Variants in CSMD1 observed in about 807,000 individuals in gnomAD.
The protein encoded by CSMD1 is CUB and Sushi multiple domains 1, also known as CUB and sushi domain-containing protein 1.
In CSMD1, 213 loss-of-function variants were observed where a neutral mutation model predicts 417.5. That is an observed-to-expected ratio of 0.51 (90% CI 0.46 to 0.57). The LOEUF is 0.57. Among genes scored for constraint, CSMD1 ranks in the 20% least tolerant of loss-of-function variants. The probability of loss-of-function intolerance (pLI) is 0.00; values close to 1 mark genes in which losing one functional copy is unlikely to be tolerated. For synonymous variants in CSMD1, 2,862 were observed against 1,736.8 expected, an observed-to-expected ratio of 1.65 and a Z score of -16.11; for missense variants, 6,923 against 4,529.7, an observed-to-expected ratio of 1.53 and a Z score of -15.17.
intron 2 of CSMD1, among the ~76,000 whole-genome samples, chr8:4,534,257 C>A (rs1161917972): frequency 6.6e-6 from 1 of 152,174 alleles, no homozygotes; most frequent in Non-Finnish European, 1.5e-5. Flanking sequence ...CCCAAGGATG[C>A]TGAAGGACGC....
intron 7 of CSMD1, among the ~76,000 whole-genome samples, chr8:3,635,737 C>T (rs1400401129): frequency 3.4e-5 from 5 of 148,640 alleles, no homozygotes; most frequent in Non-Finnish European, 7.4e-5. Flanking sequence ...CCCGCCTCGG[C>T]CTCCCGAAGT....
At chr8:3,692,622 G>T (rs985013197) in intron 7 of CSMD1, among the ~76,000 whole-genome samples, 1 of 151,900 alleles carries the variant, frequency 6.6e-6, no homozygotes, top group Non-Finnish European at 1.5e-5. Context: ...TCGTAGAGGT[G>T]GGGTTTCACC....
intron 5 of CSMD1, among the ~76,000 whole-genome samples, chr8:3,981,449 T>A (rs536684797): frequency 7.0e-6 from 1 of 142,364 alleles, no homozygotes; most frequent in African/African-American, 2.6e-5. Context: ...GCTAAAGAAC[T>A]TACTCATGTA....
At chr8:3,809,756 G>C (rs1800958503) in intron 5 of CSMD1, among the ~76,000 whole-genome samples, 4 of 152,132 alleles carry the variant, frequency 2.6e-5, no homozygotes, top group Admixed American at 2.6e-4. Flanking sequence ...GGGGAGTTGA[G>C]ACAACAGGAA....
intron 1 of CSMD1, among the ~76,000 whole-genome samples, chr8:4,983,609 G>T (rs1023806980): frequency 6.6e-6 from 1 of 152,110 alleles, no homozygotes; most frequent in Non-Finnish European, 1.5e-5. Flanking sequence ...TGCAACCTCT[G>T]TCTCTAGGGT....
At chr8:3,421,075 G>A (rs12675480) in intron 12 of CSMD1, among the ~76,000 whole-genome samples, 1,902 of 152,230 alleles carry the variant, frequency 0.012, 45 homozygotes, top group East Asian at 0.096. Context: ...AACTGAAGAC[G>A]AAGCTTCATT....
intron 2 of CSMD1, among the ~76,000 whole-genome samples, chr8:4,430,288 A>C (rs942678864): frequency 6.6e-6 from 1 of 152,268 alleles, no homozygotes; most frequent in East Asian, 1.9e-4. Flanking sequence ...TTTGGTGCTG[A>C]AAAAATATTG....
chr8:3,247,706 A>T (rs541760258), intron 26 of CSMD1, among the ~76,000 whole-genome samples: 11 of 152,312 alleles, frequency 7.2e-5, no homozygotes, highest in Non-Finnish European at 1.6e-4. Flanking sequence ...CACATCTCCC[A>T]ACAGTTGAGA....
chr8:3,288,308 T>C (rs12716594), intron 25 of CSMD1, among the ~76,000 whole-genome samples: 113,512 of 146,130 alleles, frequency 0.78, 47,182 homozygotes, highest in Middle Eastern at 0.91. Context: ...GAGGATGATG[T>C]TGGCCTCATA....
chr8:4,682,012 T>C (rs1172272157), intron 1 of CSMD1, among the ~76,000 whole-genome samples: 1 of 152,152 alleles, frequency 6.6e-6, no homozygotes, highest in Non-Finnish European at 1.5e-5. Flanking sequence ...GTCATTTTAT[T>C]GGATAAATTT....
chr8:3,754,477 C>T (rs571073281), intron 5 of CSMD1, among the ~76,000 whole-genome samples: 6 of 125,348 alleles, frequency 4.8e-5, no homozygotes, highest in Admixed American at 1.7e-4. Context: ...TATTTTGAGA[C>T]GGAGTCTCAC....
At chr8:4,182,190 G>T (rs1017461123) in intron 3 of CSMD1, among the ~76,000 whole-genome samples, 2 of 152,040 alleles carry the variant, frequency 1.3e-5, no homozygotes, top group South Asian at 2.1e-4. Context: ...TTTCTGATTA[G>T]GTTCTGTGTT....
At chr8:3,199,845 A>G in intron 32 of CSMD1, 36 bp from the exon 33 acceptor site, 1 of 1,323,176 alleles carries the variant, frequency 7.6e-7, no homozygotes, top group Non-Finnish European at 1.1e-6. Flanking sequence ...CAGAAAACAC[A>G]CAGCACCGTG....
chr8:4,114,736 A>T (rs932497312), intron 3 of CSMD1, among the ~76,000 whole-genome samples: 5 of 152,204 alleles, frequency 3.3e-5, no homozygotes, highest in African/African-American at 9.6e-5. Flanking sequence ...AGTTGATTCC[A>T]ACACTTTACA....
chr8:3,076,392 A>AT (rs1813692290), intron 49 of CSMD1, among the ~76,000 whole-genome samples: 1 of 73,348 alleles, frequency 1.4e-5, no homozygotes. Context: ...CTGTAAAGAA[A>AT]GACCCTGTCT....
intron 1 of CSMD1, among the ~76,000 whole-genome samples, chr8:4,948,539 T>C (rs1585388693): frequency 6.6e-6 from 1 of 152,066 alleles, no homozygotes; most frequent in African/African-American, 2.4e-5. Context: ...ATACTGGTTT[T>C]GTAAATCTGC....
chr8:2,950,735 T>C (rs1802570249), intron 66 of CSMD1, among the ~76,000 whole-genome samples: 1 of 152,214 alleles, frequency 6.6e-6, no homozygotes, highest in Non-Finnish European at 1.5e-5. Context: ...GTGTTTGCCA[T>C]ATAAATCGAG....
chr8:3,140,026 C>T (rs1818340380), intron 41 of CSMD1, among the ~76,000 whole-genome samples: 1 of 151,684 alleles, frequency 6.6e-6, no homozygotes, highest in Non-Finnish European at 1.5e-5. Context: ...TCTCAGCCTC[C>T]TGAGTAGCTG....
chr8:4,634,614 C>A lies in CSMD1; in HGVS notation c.302+2728G>T, dbSNP rs1201618584. Reference sequence around the variant, plus strand: ...TCAATCCTCCCACAAAAGAATCCGTCCTTTGAATTCTAGAGCTGCCTTAAG... The same window carrying A: ...TCAATCCTCCCACAAAAGAATCCGTACTTTGAATTCTAGAGCTGCCTTAAG... On this transcript the variant is annotated intron_variant, in intron 2 of 69. Coordinates refer to ENST00000635120, the MANE Select transcript of CSMD1 (RefSeq NM_033225.6). Among the ~76,000 whole-genome samples the A allele has an allele frequency of 2.0e-5, 3 of 152,290 alleles. No individual in the cohort carries two copies. The East Asian group carries it at 5.8e-4, about 29-fold the overall frequency.
Sources: allele counts gnomAD v4.1 joint callset (sites outside exome capture counted in the v4.1 genomes callset), GRCh38; gene constraint gnomAD v4.1.1; transcripts MANE v1.5; gene names NCBI Gene and HGNC (gene_info 2026-07-23, HGNC 2026-07-21).